GSTZ1: variants seen among roughly 807,000 people sequenced by gnomAD.
GSTZ1 encodes maleylacetoacetate isomerase.
Under a neutral mutation model 35.9 loss-of-function variants are expected in GSTZ1, and 34 were observed. The ratio of observed to expected loss-of-function variants is 0.95; its 90% CI spans 0.72 to 1.26. The LOEUF (loss-of-function observed/expected upper bound fraction) is 1.26, where lower values mean the gene tolerates loss of function less well. Ranked by LOEUF, GSTZ1 falls within the 50% of genes most tolerant of loss-of-function variation. The pLI is 0.00. For synonymous variants in GSTZ1, 93 were observed against 101.2 expected (o/e 0.92, Z 0.49); for missense variants, 263 against 271.7 (o/e 0.97, Z 0.23).
chr14:77,329,451 T>G (rs2139580678), intron 6 of GSTZ1: 1 of 596,464 alleles, frequency 1.7e-6, no homozygotes, highest in Non-Finnish European at 3.0e-6. Flanking sequence ...CTTCACTGCC[T>G]ACTCCAGCTG....
intron 1 of GSTZ1, chr14:77,323,084 T>G (rs532559341): frequency 1.3e-5 from 2 of 152,272 alleles, no homozygotes; most frequent in South Asian, 2.1e-4. Flanking sequence ...CCAGAGAAAT[T>G]AACTTTGAGC....
chr14:77,324,952 C>G, intron 2 of GSTZ1, 31 bp downstream of exon 2: 1 of 1,586,948 alleles, frequency 6.3e-7, no homozygotes, highest in Non-Finnish European at 8.7e-7. Context: ...AGGATGAGTG[C>G]TGGAGTGGGG....
chr14:77,331,276 A>G lies in GSTZ1; in HGVS notation c.*81A>G. 6.8e-7 allele frequency: 1 copy of G among 1,472,620 alleles called. No homozygotes were observed. The highest frequency in any genetic ancestry group is 9.2e-7 in the Non-Finnish European group (1 of 1,092,318). The allele number at this position is 1,472,620 out of a possible 1,614,324, so 91.2% of individuals were successfully genotyped here. On this transcript the variant is annotated 3_prime_UTR_variant, in exon 9 of 9. Transcript: ENST00000216465. ...GAAGAGGCCTGGAAACGAGAGTCTT[A>G]ATTGAGGAGATGGGAGACTCGAACT...
chr14:77,330,248 C>A (rs571477238), intron 7 of GSTZ1, 62 bp from the exon 8 acceptor site: 4 of 1,160,180 alleles, frequency 3.4e-6, no homozygotes, highest in South Asian at 2.4e-5. Context: ...GTGGACACAC[C>A]CAGTCCAGCC....
chr14:77,329,342 G>T, intron 6 of GSTZ1, 141 bp downstream of exon 6: 1 of 680,110 alleles, frequency 1.5e-6, no homozygotes, highest in Non-Finnish European at 2.7e-6. Context: ...GACTGGGGAG[G>T]CAATGGGCTG....
At position 77,328,032 on chromosome 14, in the gene GSTZ1, CT is replaced by C; in HGVS notation, c.338del (p.Leu113ArgfsTer7). The C allele has an allele frequency of 6.2e-7, 1 of 1,613,856 alleles. No individual in the cohort carries two copies. Among genetic ancestry groups the C allele is most frequent in the Non-Finnish European group, 8.5e-7 (1 of 1,179,896 alleles). ...CCTCATCGCTGGTGGCATCCAGCCC[CT>C]GCAGGTGTGGCACTTGTACACTTGC... is the stretch of plus-strand genomic sequence containing the variant. ...SDLIAGGIQP[L>X]QNLSVLKQVG... On this transcript the variant is annotated frameshift_variant, in exon 5 of 9. Transcript: ENST00000216465. LOFTEE classifies it high-confidence loss of function.
intron 1 of GSTZ1, chr14:77,324,636 T>A: frequency 6.6e-7 from 1 of 1,524,682 alleles, no homozygotes; most frequent in South Asian, 1.2e-5. Context: ...TGGAAGGCAC[T>A]CTCAGGCTAG....
chr14:77,322,476 A>T, intron 1 of GSTZ1: 1 of 419,188 alleles, frequency 2.4e-6, no homozygotes, highest in Non-Finnish European at 3.2e-6. Context: ...GGTGTAATCC[A>T]AAGGCATTTA....
chr14:77,331,184 C>G lies in GSTZ1; in HGVS notation c.640C>G (p.Leu214Val). ...PCRQPDTPTE[L>V]RA ...CCGGCAGCCAGATACACCCACTGAGCTGAGGGCCTAGCTCCCAAATCCTGC... is the reference window on the plus strand; with the variant it reads ...CCGGCAGCCAGATACACCCACTGAGGTGAGGGCCTAGCTCCCAAATCCTGC... The change falls in exon 9 of 9, where the codon CTG (leucine) becomes GTG (valine). Residue 214 changes from leucine (L) to valine (V), a missense_variant. Physicochemically the swap from Leu to Val is conservative, Grantham distance 32. Transcript: ENST00000216465. The G allele has an allele frequency of 6.2e-7, 1 of 1,613,534 alleles. No homozygotes were observed. The highest frequency in any genetic ancestry group is 8.5e-7 in the Non-Finnish European group (1 of 1,179,670).
chr14:77,324,753 C>T, intron 1 of GSTZ1, 117 bp from the exon 2 acceptor site: 9 of 1,197,070 alleles, frequency 7.5e-6, no homozygotes, highest in Non-Finnish European at 1.1e-5. Context: ...CCCTGATTTG[C>T]ACAGATGCAG....
chr14:77,322,193 G>GT (rs1892048021), intron 1 of GSTZ1, among the ~76,000 whole-genome samples: 1 of 152,150 alleles, frequency 6.6e-6, no homozygotes, highest in East Asian at 1.9e-4. Context: ...CAAATCATGT[G>GT]TAAGACATGG....
intron 1 of GSTZ1, chr14:77,322,440 C>T (rs900493724): frequency 1.8e-5 from 4 of 219,200 alleles, no homozygotes; most frequent in Admixed American, 1.3e-4. Context: ...TACCATGCTT[C>T]TGGTCACTCG....
In GSTZ1 at chr14:77,331,438, G is replaced by A. The variant is rs1375404818; in HGVS notation, c.*243G>A. 19 of 454,498 alleles carry A rather than the reference G, an allele frequency of 4.2e-5. No individual in the cohort carries two copies. The highest frequency in any genetic ancestry group is 1.4e-4 in the Admixed American group (4 of 28,506). 28.2% of individuals were successfully genotyped at this position (454,498 alleles called of 1,614,324 possible). A position where few individuals can be genotyped will look rare whatever the true frequency, so the allele number is the denominator to read the frequency against. On this transcript the variant is annotated 3_prime_UTR_variant, in exon 9 of 9. Transcript: ENST00000216465. ...CTGTTATCTATGTGACGGGGCAGTC[G>A]TGAGGCTGAGATGAGAATGCGGATT...
chr14:77,327,135 G>C, intron 3 of GSTZ1: 1 of 588,788 alleles, frequency 1.7e-6, no homozygotes, highest in Non-Finnish European at 3.0e-6. Flanking sequence ...GGGCTCTCCA[G>C]TGCCTGACCC....
chr14:77,321,619 C>A (rs938161391), intron 1 of GSTZ1: 2 of 946,434 alleles, frequency 2.1e-6, no homozygotes, highest in South Asian at 1.8e-5. Context: ...CGCGGTGGCT[C>A]ACGCCTGTAA....
At chr14:77,329,005 A>G in intron 5 of GSTZ1, 118 bp from the exon 6 acceptor site, 1 of 782,554 alleles carries the variant, frequency 1.3e-6, no homozygotes, top group Non-Finnish European at 2.3e-6. Context: ...CCTGGGGGAG[A>G]AGGGATAGAC....
At chr14:77,328,905 G>A (rs1033201236) in intron 5 of GSTZ1, 40 of 587,684 alleles carry the variant, frequency 6.8e-5, no homozygotes, top group Non-Finnish European at 1.1e-4. Context: ...GGCTTTTTGA[G>A]GCCACTGGGG....
At chr14:77,326,519 C>A (rs571622158) in intron 2 of GSTZ1, 18 of 269,574 alleles carry the variant, frequency 6.7e-5, no homozygotes, top group Non-Finnish European at 2.2e-5. Context: ...TTGCTGAACT[C>A]CAGGAGCCCA....
chr14:77,323,698 G>C (rs1023928968), intron 1 of GSTZ1: 3 of 152,328 alleles, frequency 2.0e-5, no homozygotes, highest in Non-Finnish European at 4.4e-5. Context: ...CTACTGTGTT[G>C]AGCAAACAGA....
Sources: gnomAD v4.1 joint callset for allele counts (sites outside exome capture counted in the v4.1 genomes callset) on GRCh38, gnomAD v4.1.1 for gene constraint, MANE v1.5 for transcripts, NCBI Gene and HGNC (gene_info 2026-07-23, HGNC 2026-07-21) for gene names.